The following PGR variants were observed in gnomAD, a reference collection of about 807,000 sequenced individuals.
The protein encoded by PGR is progesterone receptor.
Under a neutral mutation model 76.1 loss-of-function variants are expected in PGR, and 25 were observed. The observed-to-expected ratio is 0.33, with a 90% confidence interval of 0.24 to 0.46. The LOEUF is 0.46. PGR is among the 20% of genes least tolerant of loss of function. The probability of loss-of-function intolerance (pLI) is 1.00; values close to 1 mark genes in which losing one functional copy is unlikely to be tolerated. For missense variants in PGR, 1,172 were observed against 1,225.3 expected, an observed-to-expected ratio of 0.96 and a Z score of 0.65; for synonymous variants, 579 against 535.0, an observed-to-expected ratio of 1.08 and a Z score of -1.14.
chr11:101,050,652 T>C (rs1230231263), intron 5 of PGR, among the ~76,000 whole-genome samples: 1 of 152,108 alleles, frequency 6.6e-6, no homozygotes, highest in African/African-American at 2.4e-5. Context: ...CTTGTGTTGT[T>C]TTATAATGTC....
intron 3 of PGR, among the ~76,000 whole-genome samples, chr11:101,073,860 C>A (rs918869221): frequency 7.9e-5 from 12 of 151,914 alleles, no homozygotes; most frequent in Non-Finnish European, 1.3e-4. Context: ...ACCAAAAAAA[C>A]CCCAGGACCA....
intron 3 of PGR, among the ~76,000 whole-genome samples, chr11:101,079,263 A>G (rs1214388750): frequency 6.6e-6 from 1 of 152,206 alleles, no homozygotes; most frequent in Non-Finnish European, 1.5e-5. Flanking sequence ...AATCAAGGCA[A>G]AAATTGACAA....
intron 2 of PGR, among the ~76,000 whole-genome samples, chr11:101,096,070 T>C (rs1475571239): frequency 6.6e-6 from 1 of 152,124 alleles, no homozygotes; most frequent in Non-Finnish European, 1.5e-5. Flanking sequence ...AATTTAAACA[T>C]GAGTATAAAT....
intron 2 of PGR, among the ~76,000 whole-genome samples, chr11:101,115,062 T>G (rs921925257): frequency 1.1e-4 from 16 of 152,112 alleles, no homozygotes; most frequent in Non-Finnish European, 1.9e-4. Context: ...GGGTCACTGA[T>G]CTCTTTCAAA....
intron 3 of PGR, among the ~76,000 whole-genome samples, chr11:101,081,091 C>T (rs1430271470): frequency 2.0e-5 from 3 of 152,026 alleles, no homozygotes; most frequent in Admixed American, 6.6e-5. Flanking sequence ...CCTAATCTTG[C>T]TAGAGAGCTA....
Position 101,128,702 on chromosome 11 carries a change from A to G in PGR, c.369T>C (p.Gly123=), listed in dbSNP as rs1238519861. The G allele has an allele frequency of 1.2e-6, 2 of 1,607,124 alleles. No individual in the cohort carries two copies. Residue 123 remains glycine, a synonymous_variant, in exon 1 of 8, where the codon GGT becomes GGC. Coordinates refer to ENST00000325455, the MANE Select transcript of PGR (RefSeq NM_000926.4). The part of the protein sequence containing the change: ...SVLDTLLAPS[G]PGQSQPSPPA... ...GAGGGCTGGGTTGGCTCTGCCCGGG[A>G]CCTGAGGGCGCCAACAGAGTGTCCA...
At chr11:101,074,894 C>T (rs1002309702) in intron 3 of PGR, among the ~76,000 whole-genome samples, 3 of 152,174 alleles carry the variant, frequency 2.0e-5, no homozygotes, top group Admixed American at 2.0e-4. Flanking sequence ...AATGGCCATA[C>T]TGACCAAAGT....
In PGR at chr11:101,128,574, C is replaced by A. The variant is rs778985886; in HGVS notation, c.497G>T (p.Ser166Ile). 1.3e-6 allele frequency: 2 copies of A among 1,597,432 alleles called. No homozygotes were observed. Among genetic ancestry groups the A allele is most frequent in the Admixed American group, 3.4e-5 (2 of 58,360 alleles). The change falls in exon 1 of 8, where the codon AGC (serine) becomes ATC (isoleucine). Residue 166 changes from serine (S) to isoleucine (I), a missense_variant. By Grantham distance (142) the Ser-to-Ile change is moderately radical. This residue lies in a region of PGR where 893 missense variants were observed against 785.9 expected (regional missense o/e 1.14). Transcript: ENST00000325455. ...ATQRVLSPLM[S>I]RSGCKVGDSS... ...GTCTCCAACCTTGCACCCGGACCGG[C>A]TCATGAGCGGGGACAACACCCGCTG... is the stretch of plus-strand genomic sequence containing the variant.
At position 101,037,626 on chromosome 11, in the gene PGR, C is replaced by T. The variant is rs1408986139; in HGVS notation, c.*1490G>A. On this transcript the variant is annotated 3_prime_UTR_variant, in exon 8 of 8. Transcript: ENST00000325455. Reference sequence around the variant, plus strand: ...TTGTCCTTAAGACACATAAAATACACTTCTATTCTTCTATGTTATAGTCAG... The same window carrying T: ...TTGTCCTTAAGACACATAAAATACATTTCTATTCTTCTATGTTATAGTCAG... The T allele has an allele frequency of 4.4e-6, 1 of 226,264 alleles. No homozygotes were observed. The highest frequency in any genetic ancestry group is 8.8e-6 in the Non-Finnish European group (1 of 113,760). 14.0% of individuals were successfully genotyped at this position (226,264 alleles called of 1,614,324 possible). A position where few individuals can be genotyped will look rare whatever the true frequency, so the allele number is the denominator to read the frequency against.
At chr11:101,048,994 C>T (rs1278007519) in intron 6 of PGR, among the ~76,000 whole-genome samples, 2 of 152,124 alleles carry the variant, frequency 1.3e-5, no homozygotes, top group Non-Finnish European at 2.9e-5. Context: ...GATCCTCTCA[C>T]CTCAGCCTCC....
intron 3 of PGR, among the ~76,000 whole-genome samples, chr11:101,090,469 T>C (rs944882727): frequency 6.6e-6 from 1 of 152,202 alleles, no homozygotes; most frequent in Non-Finnish European, 1.5e-5. Context: ...CAGAATACCT[T>C]CAGGTCTTTC....
In PGR at chr11:101,128,084, G is replaced by GT; in HGVS notation, c.986dup (p.Tyr329Ter). 6.2e-7 allele frequency: 1 copy of GT among 1,600,300 alleles called. No homozygotes were observed. The highest frequency in any genetic ancestry group is 8.5e-7 in the Non-Finnish European group (1 of 1,179,652). ...RTRQLLEDES[Y>*]DGGAGAASAF... ...CGCTGGCAGCCCCGGCCCCGCCGTCGTAACTTTCGTCTTCCAGCAGCTGCC... is the reference window on the plus strand; with the variant it reads ...CGCTGGCAGCCCCGGCCCCGCCGTCGTTAACTTTCGTCTTCCAGCAGCTGCC... Residue 329 changes from tyrosine to a stop codon, truncating the protein, a stop_gained and frameshift_variant, in exon 1 of 8, where the codon TAC becomes TAAC. Coordinates refer to ENST00000325455, the MANE Select transcript of PGR (RefSeq NM_000926.4). LOFTEE classifies it high-confidence loss of function.
At chr11:101,068,101 T>C (rs533902866) in intron 3 of PGR, among the ~76,000 whole-genome samples, 260 of 152,252 alleles carry the variant, frequency 1.7e-3, no homozygotes, top group Non-Finnish European at 2.9e-3. Context: ...ATGTTAATCA[T>C]ATTGTTTCTA....
At position 101,031,520 on chromosome 11, in the gene PGR, C is replaced by T. The variant is rs962083385; in HGVS notation, c.*7596G>A. 1.6e-4 allele frequency: 37 copies of T among 228,242 alleles called. No homozygotes were observed. The highest frequency in any genetic ancestry group is 3.1e-4 in the East Asian group (5 of 16,022). The allele number at this position is 228,242 out of a possible 1,614,324, so 14.1% of individuals were successfully genotyped here. Reference sequence around the variant, plus strand: ...AGTTTTCTCTTCAACCTACTGCTCACCAGTGCTCCCTCCTCAGCTCCAAGG... The same window carrying T: ...AGTTTTCTCTTCAACCTACTGCTCATCAGTGCTCCCTCCTCAGCTCCAAGG... On this transcript the variant is annotated 3_prime_UTR_variant, in exon 8 of 8. Transcript: ENST00000325455.
chr11:101,119,895 A>G (rs964758739), intron 2 of PGR, among the ~76,000 whole-genome samples: 7 of 152,232 alleles, frequency 4.6e-5, no homozygotes, highest in Admixed American at 4.6e-4. Flanking sequence ...AGACCTCCTG[A>G]ATAGTAGAAA....
chr11:101,080,586 C>G (rs898743764), intron 3 of PGR, among the ~76,000 whole-genome samples: 2 of 152,068 alleles, frequency 1.3e-5, no homozygotes, highest in African/African-American at 4.8e-5. Flanking sequence ...AATCTGATTG[C>G]AGTGACATCA....
chr11:101,048,420 T>C (rs965420083), intron 6 of PGR, among the ~76,000 whole-genome samples: 1 of 152,136 alleles, frequency 6.6e-6, no homozygotes, highest in Non-Finnish European at 1.5e-5. Context: ...CATCACTGTG[T>C]GATTATCACA....
chr11:101,088,529 T>G (rs1031296372), intron 3 of PGR, among the ~76,000 whole-genome samples: 2 of 152,116 alleles, frequency 1.3e-5, no homozygotes, highest in African/African-American at 4.8e-5. Context: ...AGACGGGGTT[T>G]CACTGTGTTA....
At position 101,062,665 on chromosome 11, in the gene PGR, T is replaced by G. The variant is rs779973596; in HGVS notation, c.1994A>C (p.Glu665Ala). 1 of 1,614,054 alleles carries G rather than the reference T, an allele frequency of 6.2e-7. No homozygotes were observed. Residue 665 changes from glutamate to alanine, a missense_variant, in exon 4 of 8, where the codon GAA becomes GCA. By Grantham distance (107) the Glu-to-Ala change is moderately radical. Around this residue, in one of 4 missense-constraint regions of PGR, gnomAD observed 73 missense variants for 60.7 expected, o/e 1.20. Coordinates refer to ENST00000325455, the MANE Select transcript of PGR (RefSeq NM_000926.4). Reference protein sequence around the residue: ...ALPQPVGVPNESQALSQRFTF... With the variant: ...ALPQPVGVPNASQALSQRFTF... ...GAATCTCTGGCTTAGGGCTTGGCTT[T>G]CATTTGGAACGCCCACTGGCTGTGG...
Sources: gnomAD v4.1 joint callset for allele counts (sites outside exome capture counted in the v4.1 genomes callset) on GRCh38, gnomAD v4.1.1 for gene constraint, gnomAD v4.1.1 regional missense constraint, MANE v1.5 for transcripts, NCBI Gene and HGNC (gene_info 2026-07-23, HGNC 2026-07-21) for gene names.